GOLGA3: variants seen among roughly 807,000 people sequenced by gnomAD.
GOLGA3 encodes the protein golgin subfamily A member 3.
In GOLGA3, 75 loss-of-function variants were observed where a neutral mutation model predicts 169.4. That is an observed-to-expected ratio of 0.44 (90% CI 0.37 to 0.54). The LOEUF is 0.54. GOLGA3 is among the 20% of genes least tolerant of loss of function. GOLGA3 has a pLI of 0.00. For missense variants in GOLGA3, 1,899 were observed against 1,930.0 expected, an observed-to-expected ratio of 0.98 and a Z score of 0.30; for synonymous variants, 824 against 822.4, an observed-to-expected ratio of 1.00 and a Z score of -0.03.
In GOLGA3 at chr12:132,776,949, A is replaced by C; in HGVS notation, c.3855+9T>G. On this transcript the variant is annotated intron_variant, in intron 20 of 23. Coordinates refer to ENST00000450791, the MANE Select transcript of GOLGA3 (RefSeq NM_001389683.1). Reference sequence around the variant, plus strand: ...CAGCCCTGCAAGTCCAGCCCCCGTGAACCGTCACCTCTTGGTTTCCCACGG... The same window carrying C: ...CAGCCCTGCAAGTCCAGCCCCCGTGCACCGTCACCTCTTGGTTTCCCACGG... 3.2e-6 allele frequency: 5 copies of C among 1,574,172 alleles called. No individual in the cohort carries two copies. Among genetic ancestry groups the C allele is most frequent in the Non-Finnish European group, 4.3e-6 (5 of 1,159,894 alleles).
chr12:132,821,803 G>A (rs545719656), intron 2 of GOLGA3, among the ~76,000 whole-genome samples, 193 bp downstream of exon 2: 2 of 140,604 alleles, frequency 1.4e-5, no homozygotes, highest in Admixed American at 7.2e-5. Context: ...GCAGCGAGCC[G>A]AGATCACGCC....
At chr12:132,826,102 C>A in intron 1 of GOLGA3, 1 of 1,513,724 alleles carries the variant, frequency 6.6e-7, no homozygotes, top group Non-Finnish European at 9.2e-7. Context: ...GCCGGCCTTG[C>A]CGGCCTCTGA....
rs2044836146 is a variant in GOLGA3 at position 132,770,209 on chromosome 12, G to T, written c.*2896C>A. 1 of 148,904 alleles carries T rather than the reference G, an allele frequency of 6.7e-6. No individual in the cohort carries two copies. The highest frequency in any genetic ancestry group is 1.5e-5 in the Non-Finnish European group (1 of 67,694). The allele number at this position is 148,904 out of a possible 1,614,324, so 9.2% of individuals were successfully genotyped here. A position where few individuals can be genotyped will look rare whatever the true frequency, so the allele number is the denominator to read the frequency against. ...GATCACGCCACTGCACTCCAGCCTG[G>T]GCGACAGAGCGAGACTCTGTCTCAA... On this transcript the variant is annotated 3_prime_UTR_variant, in exon 24 of 24. Transcript: ENST00000450791.
At chr12:132,791,186 C>A in intron 12 of GOLGA3, 30 bp downstream of exon 12, 1 of 1,265,544 alleles carries the variant, frequency 7.9e-7, no homozygotes, top group South Asian at 1.2e-5. Flanking sequence ...ATGCTTGTTT[C>A]AAGTGAAGAA....
At chr12:132,813,698 A>T (rs111686689) in intron 3 of GOLGA3, among the ~76,000 whole-genome samples, 101 of 150,856 alleles carry the variant, frequency 6.7e-4, no homozygotes, top group African/African-American at 2.3e-3. Context: ...TCCCCTGGTA[A>T]AACAGGAAAT....
chr12:132,792,977 T>C (rs796988933), intron 11 of GOLGA3, among the ~76,000 whole-genome samples: 28 of 112,016 alleles, frequency 2.5e-4, no homozygotes, highest in East Asian at 1.5e-3. Flanking sequence ...ACACGGGATC[T>C]GAACTCGGAG....
At position 132,773,199 on chromosome 12, in the gene GOLGA3, G is replaced by A. The variant is rs1345531331; in HGVS notation, c.4403C>T (p.Ala1468Val). 1.9e-6 allele frequency: 3 copies of A among 1,583,280 alleles called. No individual in the cohort carries two copies. In the East Asian group the frequency reaches 6.9e-5, roughly 37 times the overall value. The change falls in exon 24 of 24, where the codon GCC (alanine) becomes GTC (valine). Residue 1468 changes from alanine to valine, a missense_variant. By Grantham distance (64) the Ala-to-Val change is moderately conservative (BLOSUM62 0). Coordinates refer to ENST00000450791, the MANE Select transcript of GOLGA3 (RefSeq NM_001389683.1). ...SSWTPLEPAT[A>V]SPVPPGGHAG... ...GTGACCCCCCGGGGGCACAGGGCTG[G>A]CAGTGGCTGGCTCCAGCGGCGTCCA...
chr12:132,780,847 T>C lies in GOLGA3; in HGVS notation c.3533A>G (p.Gln1178Arg). 9 of 1,612,376 alleles carry C rather than the reference T, an allele frequency of 5.6e-6. No individual in the cohort carries two copies. Among genetic ancestry groups the C allele is most frequent in the Non-Finnish European group, 7.6e-6 (9 of 1,179,950 alleles). ...RQMKHLVQAL[Q>R]ASLEKEKEKV... Reference sequence around the variant, plus strand: ...CTCCTTCTCCTTCTCTAGTGAGGCCTGCAGGGCCTGGACAAGATGCTTCAT... The same window carrying C: ...CTCCTTCTCCTTCTCTAGTGAGGCCCGCAGGGCCTGGACAAGATGCTTCAT... Residue 1178 changes from glutamine (Q) to arginine (R), a missense_variant, in exon 18 of 24, where the codon CAG (glutamine) becomes CGG (arginine). By Grantham distance (43) the Gln-to-Arg change is conservative. Transcript: ENST00000450791.
intron 11 of GOLGA3, among the ~76,000 whole-genome samples, chr12:132,794,049 G>A (rs894014009): frequency 1.3e-5 from 2 of 152,168 alleles, no homozygotes; most frequent in African/African-American, 4.8e-5. Flanking sequence ...CAAAGTGCTG[G>A]TTGTTCCACA....
intron 12 of GOLGA3, among the ~76,000 whole-genome samples, chr12:132,790,160 T>G (rs1419182313): frequency 6.6e-6 from 1 of 151,038 alleles, no homozygotes; most frequent in African/African-American, 2.4e-5. Flanking sequence ...TGAAACCCCG[T>G]CTCTACTAAA....
rs764546873 is a variant in GOLGA3 at position 132,808,989 on chromosome 12, G to A, written c.520-440C>T. On this transcript the variant is annotated intron_variant, in intron 4 of 23. Transcript: ENST00000450791. ...CCACTACCACCAATGCGCGGAGACC[G>A]GTAGTGGCCCTGAATGTCGGGCTGC... Among the ~76,000 whole-genome samples, 13 of 152,214 alleles carry A rather than the reference G, an allele frequency of 8.5e-5. 1 individual carries two copies. The highest frequency in any genetic ancestry group is 1.2e-4 in the Non-Finnish European group (8 of 68,034).
rs1195026252 is a variant in GOLGA3 at position 132,822,039 on chromosome 12, G to A, written c.90C>T (p.Pro30=). Residue 30 remains proline, a synonymous_variant, in exon 2 of 24, where the codon CCC becomes CCT. Coordinates refer to ENST00000450791, the MANE Select transcript of GOLGA3 (RefSeq NM_001389683.1). The part of the protein sequence containing the change: ...PSSLPEAPLK[P]PGPLVPPDQQ... Reference sequence around the variant, plus strand: ...GGTCAGGTGGCACCAGTGGGCCCGGGGGCTTCAGTGGGGCCTCGGGGAGAG... The same window carrying A: ...GGTCAGGTGGCACCAGTGGGCCCGGAGGCTTCAGTGGGGCCTCGGGGAGAG... The A allele has an allele frequency of 4.4e-6, 7 of 1,608,550 alleles. No individual in the cohort carries two copies. The highest frequency in any genetic ancestry group is 5.9e-6 in the Non-Finnish European group (7 of 1,178,068).
chr12:132,805,022 C>T lies in GOLGA3; in HGVS notation c.1291G>A (p.Ala431Thr). The T allele has an allele frequency of 6.2e-7, 1 of 1,604,466 alleles. No individual in the cohort carries two copies. Among genetic ancestry groups the T allele is most frequent in the Non-Finnish European group, 8.5e-7 (1 of 1,177,774 alleles). ...LEALSLEASQ[A>T]LKEKAELQAQ... is the part of the protein sequence containing the mutation. ...TGCAGCTCAGCCTTCTCTTTAAGTG[C>T]CTGAAAAGATCCCAACAACCACAAT... is the stretch of plus-strand genomic sequence containing the variant. Residue 431 changes from alanine to threonine, a missense_variant and splice_region_variant, in exon 7 of 24, where the codon GCA (alanine) becomes ACA (threonine). Transcript: ENST00000450791.
At chr12:132,805,161 A>G in intron 6 of GOLGA3, 139 bp from the exon 7 acceptor site, 1 of 908,062 alleles carries the variant, frequency 1.1e-6, no homozygotes, top group Non-Finnish European at 1.6e-6. Flanking sequence ...CCAAGGCCTG[A>G]CAGAGGACCC....
intron 3 of GOLGA3, among the ~76,000 whole-genome samples, chr12:132,814,954 A>C (rs1472080552): frequency 1.3e-5 from 2 of 152,220 alleles, no homozygotes; most frequent in Non-Finnish European, 2.9e-5. Context: ...CCATCAGCAG[A>C]CACCGCCCGA....
intron 4 of GOLGA3, among the ~76,000 whole-genome samples, chr12:132,813,000 A>G (rs1398432633): frequency 6.6e-6 from 1 of 152,262 alleles, no homozygotes; most frequent in African/African-American, 2.4e-5. Flanking sequence ...CACACTTAGT[A>G]AACTACAGTA....
rs750377696 is a variant in GOLGA3 at position 132,777,753 on chromosome 12, G to A, written c.3635C>T (p.Ala1212Val). ...CTTCACCTCACTCAGCTCCAAGGAG[G>A]CCGCCTTGAAGTGGCGGCGGTTATG... is the stretch of plus-strand genomic sequence containing the variant. ...AGHNRRHFKA[A>V]SLELSEVKKE... The change falls in exon 19 of 24, where the codon GCC becomes GTC. Residue 1212 changes from alanine to valine, a missense_variant. Ala to Val is a moderately conservative substitution (Grantham distance 64). Coordinates refer to ENST00000450791, the MANE Select transcript of GOLGA3 (RefSeq NM_001389683.1). This position sits in a 1 kb window ranked among gnomAD's most constrained non-coding sequence, Gnocchi z 4.7. 1.2e-6 allele frequency: 2 copies of A among 1,614,078 alleles called. No individual in the cohort carries two copies. Among genetic ancestry groups the A allele is most frequent in the Non-Finnish European group, 1.7e-6 (2 of 1,180,004 alleles).
At position 132,796,229 on chromosome 12, in the gene GOLGA3, G is replaced by T; in HGVS notation, c.2101-9C>A. 6.3e-7 allele frequency: 1 copy of T among 1,581,076 alleles called. No individual in the cohort carries two copies. The stretch of plus-strand genomic sequence containing the variant: ...AGTAAAGTCAACTTCACCTGGAGAA[G>T]GAATGAAGCCCACATGGCTGCGCCT... On this transcript the variant is annotated splice_polypyrimidine_tract_variant and intron_variant, in intron 10 of 23. Coordinates refer to ENST00000450791, the MANE Select transcript of GOLGA3 (RefSeq NM_001389683.1).
intron 15 of GOLGA3, 112 bp from the exon 16 acceptor site, chr12:132,784,419 C>G: frequency 1.2e-6 from 1 of 867,150 alleles, no homozygotes; most frequent in Non-Finnish European, 1.8e-6. Flanking sequence ...CAGACACCAG[C>G]TGTCTGACAC....
Sources: gnomAD v4.1 joint callset for allele counts (sites outside exome capture counted in the v4.1 genomes callset) on GRCh38, gnomAD v4.1.1 for gene constraint, Gnocchi (gnomAD v3.1) non-coding constraint, MANE v1.5 for transcripts, NCBI Gene and HGNC (gene_info 2026-07-23, HGNC 2026-07-21) for gene names.